The following PIK3CB variants were observed in gnomAD, a reference collection of about 807,000 sequenced individuals.
PIK3CB encodes phosphatidylinositol-4,5-bisphosphate 3-kinase catalytic subunit beta.
Under a neutral mutation model 136.8 loss-of-function variants are expected in PIK3CB, and 39 were observed. That is an observed-to-expected ratio of 0.29 (90% CI 0.22 to 0.37). The LOEUF (loss-of-function observed/expected upper bound fraction) is 0.37. PIK3CB is among the 10% of genes least tolerant of loss of function. The pLI, the probability that PIK3CB is intolerant of heterozygous loss-of-function variation, is 1.00. For missense variants in PIK3CB, 868 were observed against 1,275.4 expected, an observed-to-expected ratio of 0.68 and a Z score of 4.87; for synonymous variants, 428 against 436.6, an observed-to-expected ratio of 0.98 and a Z score of 0.25.
At chr3:138,710,760 C>T (rs1210004004) in intron 10 of PIK3CB, among the ~76,000 whole-genome samples, 2 of 152,076 alleles carry the variant, frequency 1.3e-5, no homozygotes, top group African/African-American at 4.8e-5. Flanking sequence ...GCTCCATTTA[C>T]CTCAAATTTC....
intron 2 of PIK3CB, among the ~76,000 whole-genome samples, chr3:138,771,378 G>A (rs1480914137): frequency 1.3e-5 from 2 of 151,870 alleles, no homozygotes; most frequent in Admixed American, 6.6e-5. Context: ...GCCCGCCACC[G>A]CAACCAGCTA....
At chr3:138,745,176 GT>G (rs1396057475) in intron 4 of PIK3CB, among the ~76,000 whole-genome samples, 1 of 152,160 alleles carries the variant, frequency 6.6e-6, no homozygotes, top group Non-Finnish European at 1.5e-5. Flanking sequence ...AGTACCATGA[GT>G]AATGAGCCTT....
chr3:138,801,082 A>G (rs1157026522), intron 1 of PIK3CB, among the ~76,000 whole-genome samples: 1 of 152,176 alleles, frequency 6.6e-6, no homozygotes, highest in African/African-American at 2.4e-5. Flanking sequence ...CCTACTTATT[A>G]CAGTAAGTTC....
At chr3:138,679,734 C>T (rs2043724064) in intron 19 of PIK3CB, among the ~76,000 whole-genome samples, 1 of 146,824 alleles carries the variant, frequency 6.8e-6, no homozygotes, top group Admixed American at 7.1e-5. Flanking sequence ...AGGCACATGC[C>T]AACATGCCTG....
intron 11 of PIK3CB, 65 bp downstream of exon 11, chr3:138,707,094 T>C: frequency 1.0e-6 from 1 of 998,514 alleles, no homozygotes; most frequent in East Asian, 2.4e-5. Flanking sequence ...GAGCTTAAAC[T>C]ATACATAGAG....
chr3:138,758,629 G>A (rs910785531), intron 3 of PIK3CB, among the ~76,000 whole-genome samples: 10 of 152,032 alleles, frequency 6.6e-5, no homozygotes, highest in African/African-American at 1.9e-4. Flanking sequence ...AGTTTTCAGA[G>A]GTATATCATA....
chr3:138,826,228 T>C, intron 1 of PIK3CB: 1 of 1,496,020 alleles, frequency 6.7e-7, no homozygotes, highest in Non-Finnish European at 9.2e-7. Flanking sequence ...GCTCGTGATA[T>C]GAAACAGAGT....
At chr3:138,777,837 G>A in intron 2 of PIK3CB, 1 of 213,158 alleles carries the variant, frequency 4.7e-6, no homozygotes, top group Non-Finnish European at 9.7e-6. Flanking sequence ...CAATGAAAGT[G>A]AAAGCCAGGT....
chr3:138,759,091 T>G, intron 3 of PIK3CB, 82 bp downstream of exon 3: 1 of 862,906 alleles, frequency 1.2e-6, no homozygotes, highest in Non-Finnish European at 1.7e-6. Context: ...ATAATTTACA[T>G]TAACATTTTC....
chr3:138,730,943 T>A (rs2044959246), intron 8 of PIK3CB, among the ~76,000 whole-genome samples: 1 of 152,000 alleles, frequency 6.6e-6, no homozygotes, highest in Non-Finnish European at 1.5e-5. Context: ...ATAAATAATT[T>A]TTTTAAAAAA....
At chr3:138,809,137 G>A (rs1180883321) in intron 1 of PIK3CB, among the ~76,000 whole-genome samples, 2 of 151,632 alleles carry the variant, frequency 1.3e-5, no homozygotes, top group Non-Finnish European at 2.9e-5. Flanking sequence ...AATTAGCCGG[G>A]CATGGTGGCG....
chr3:138,768,758 C>T (rs749837028), intron 2 of PIK3CB, among the ~76,000 whole-genome samples: 5 of 152,192 alleles, frequency 3.3e-5, no homozygotes, highest in Non-Finnish European at 4.4e-5. Flanking sequence ...AGGGGGCTGG[C>T]GTGTCAGCAC....
At chr3:138,710,302 GAC>G (rs148221283) in intron 10 of PIK3CB, among the ~76,000 whole-genome samples, 23 of 151,264 alleles carry the variant, frequency 1.5e-4, no homozygotes, top group African/African-American at 4.6e-4. Context: ...GGAATAGAAG[GAC>G]ACACACACAC....
chr3:138,691,372 T>C (rs1230547816), intron 14 of PIK3CB, among the ~76,000 whole-genome samples: 1 of 152,164 alleles, frequency 6.6e-6, no homozygotes, highest in Admixed American at 6.5e-5. Context: ...ACTAGAGATA[T>C]TTTAATCAAA....
At chr3:138,688,151 A>G (rs1414770156) in intron 16 of PIK3CB, among the ~76,000 whole-genome samples, 1 of 152,210 alleles carries the variant, frequency 6.6e-6, no homozygotes. Context: ...TTCTTCTGGC[A>G]ATGCAAATGA....
At position 138,657,641 on chromosome 3, in the gene PIK3CB, A is replaced by G. The variant is rs995771724; in HGVS notation, c.2942+49T>C. The G allele has an allele frequency of 5.9e-6, 9 of 1,535,670 alleles. No individual in the cohort carries two copies. In the East Asian group the frequency reaches 1.1e-4, roughly 19 times the overall value. Reference sequence around the variant, plus strand: ...AAGAAATGCTGGTCCACCTGGTCAGATAAGAAAATGTTAGAAGTGTTCAGC... The same window carrying G: ...AAGAAATGCTGGTCCACCTGGTCAGGTAAGAAAATGTTAGAAGTGTTCAGC... On this transcript the variant is annotated intron_variant, in intron 22 of 23. Transcript: ENST00000674063.
Position 138,771,469 on chromosome 3 carries a change from C to T in PIK3CB, c.-16-12110G>A, listed in dbSNP as rs562768900. 3.9e-5 allele frequency among the ~76,000 whole-genome samples: 6 copies of T among 152,028 alleles called. No homozygotes were observed. The East Asian group carries it at 5.8e-4, about 15-fold the overall frequency. ...TCCTGACCTCGTGATCTGCCCACCT[C>T]GGCCTCCCAAAGTGCTGGGATTACA... On this transcript the variant is annotated intron_variant, in intron 2 of 23. Transcript: ENST00000674063.
chr3:138,833,417 G>T (rs1343283020), intron 1 of PIK3CB, among the ~76,000 whole-genome samples: 7 of 152,134 alleles, frequency 4.6e-5, no homozygotes, highest in Non-Finnish European at 1.0e-4. Flanking sequence ...ACTGGGTTAA[G>T]ATCCTTATCT....
At chr3:138,802,253 G>A (rs1303434223) in intron 1 of PIK3CB, among the ~76,000 whole-genome samples, 2 of 150,314 alleles carry the variant, frequency 1.3e-5, no homozygotes, top group East Asian at 2.0e-4. Context: ...GGTGGTGGGC[G>A]CCTATAATCC....
Sources: gnomAD v4.1 joint callset for allele counts (sites outside exome capture counted in the v4.1 genomes callset) on GRCh38, gnomAD v4.1.1 for gene constraint, MANE v1.5 for transcripts, NCBI Gene and HGNC (gene_info 2026-07-23, HGNC 2026-07-21) for gene names.